Variants in CCDC102B observed in about 807,000 individuals in gnomAD.
CCDC102B encodes the protein coiled-coil domain containing 102B.
A neutral mutation model predicts 57.4 loss-of-function variants in CCDC102B; 75 were observed. That is an observed-to-expected ratio of 1.31 (90% confidence interval 1.08 to 1.58). The LOEUF (loss-of-function observed/expected upper bound fraction) is 1.58, where lower values mean the gene tolerates loss of function less well. Among genes scored for constraint, CCDC102B ranks in the 40% most tolerant of loss-of-function variants. The pLI is 0.00. For synonymous variants in CCDC102B, 206 were observed against 201.9 expected (o/e 1.02, Z -0.17); for missense variants, 636 against 582.6 (o/e 1.09, Z -0.94).
intron 2 of CCDC102B, among the ~76,000 whole-genome samples, chr18:68,717,413 G>A (rs2032086871): frequency 1.3e-5 from 2 of 152,124 alleles, no homozygotes; most frequent in Non-Finnish European, 2.9e-5. Context: ...TAGCTTAGGT[G>A]TATTGAGTTA....
chr18:68,888,566 C>T (rs576915970), intron 5 of CCDC102B, among the ~76,000 whole-genome samples: 1 of 152,254 alleles, frequency 6.6e-6, no homozygotes, highest in South Asian at 2.1e-4. Flanking sequence ...GCCAGTAGTA[C>T]TTCTTCAGAT....
chr18:68,731,623 T>C (rs1472634951), intron 2 of CCDC102B, among the ~76,000 whole-genome samples: 1 of 151,360 alleles, frequency 6.6e-6, no homozygotes, highest in Non-Finnish European at 1.5e-5. Flanking sequence ...TATATGTATG[T>C]ATACATATAT....
intron 4 of CCDC102B, among the ~76,000 whole-genome samples, chr18:68,851,138 C>A (rs1211120410): frequency 6.6e-6 from 1 of 152,248 alleles, no homozygotes; most frequent in Non-Finnish European, 1.5e-5. Flanking sequence ...ATGAATGAAG[C>A]ACTGTACTAA....
intron 6 of CCDC102B, among the ~76,000 whole-genome samples, chr18:68,980,694 G>A (rs1404731198): frequency 6.6e-6 from 1 of 151,968 alleles, no homozygotes; most frequent in Non-Finnish European, 1.5e-5. Flanking sequence ...ATGGGGTGGA[G>A]GGAAGGGCTA....
intron 2 of CCDC102B, chr18:68,753,576 C>T: frequency 6.6e-6 from 1 of 152,652 alleles, no homozygotes; most frequent in East Asian, 1.9e-4. Context: ...CTTTTTGAGA[C>T]AGTCTTGCTC....
chr18:68,780,167 T>C (rs1032275520), intron 2 of CCDC102B, among the ~76,000 whole-genome samples: 12 of 152,144 alleles, frequency 7.9e-5, no homozygotes, highest in Admixed American at 3.3e-4. Context: ...CTCCTAACTT[T>C]CTCAATGTTT....
At chr18:68,958,245 A>G (rs969857840) in intron 6 of CCDC102B, among the ~76,000 whole-genome samples, 1 of 152,228 alleles carries the variant, frequency 6.6e-6, no homozygotes, top group African/African-American at 2.4e-5. Context: ...GGGTAGGGAC[A>G]GAGCCAAACC....
intron 4 of CCDC102B, among the ~76,000 whole-genome samples, chr18:68,863,191 TA>T: frequency 6.6e-6 from 1 of 151,578 alleles, no homozygotes; most frequent in East Asian, 1.9e-4. Context: ...TATATATATA[TA>T]TTTATATCTA....
At chr18:68,995,908 C>T (rs966481397) in intron 6 of CCDC102B, among the ~76,000 whole-genome samples, 9 of 152,160 alleles carry the variant, frequency 5.9e-5, no homozygotes, top group African/African-American at 2.2e-4. Flanking sequence ...CGCAATGGGG[C>T]TGGTACCCTG....
Position 68,733,842 on chromosome 18 carries a change from G to T in CCDC102B, c.-67+17248G>T, listed in dbSNP as rs570386677. 3.3e-5 allele frequency among the ~76,000 whole-genome samples: 5 copies of T among 152,100 alleles called. No individual in the cohort carries two copies. In the South Asian group the frequency reaches 1.0e-3, roughly 32 times the overall value. ...AAGATTATTTTTATCAACCTGTAAA[G>T]ACCTTTAGGTTCCTTTACTGATAAA... is the stretch of plus-strand genomic sequence containing the variant. On this transcript the variant is annotated intron_variant, in intron 2 of 3. Coordinates refer to the CCDC102B transcript ENST00000578970.
chr18:68,984,636 A>C (rs1374506234), intron 6 of CCDC102B, among the ~76,000 whole-genome samples: 3 of 152,124 alleles, frequency 2.0e-5, no homozygotes, highest in African/African-American at 7.2e-5. Flanking sequence ...TACAGAGATA[A>C]ATTTATTTTA....
At chr18:68,922,769 C>T (rs149704933) in intron 6 of CCDC102B, among the ~76,000 whole-genome samples, 267 of 152,094 alleles carry the variant, frequency 1.8e-3, no homozygotes, top group East Asian at 6.8e-3. Flanking sequence ...CAGGTGAGTC[C>T]GGTTTCATGG....
chr18:68,948,796 G>C (rs2049611662), intron 6 of CCDC102B, among the ~76,000 whole-genome samples: 1 of 152,110 alleles, frequency 6.6e-6, no homozygotes, highest in South Asian at 2.1e-4. Flanking sequence ...AGTGCCGAGT[G>C]TAACTGTGAA....
At chr18:68,957,561 T>TG (rs1360959338) in intron 6 of CCDC102B, among the ~76,000 whole-genome samples, 3 of 150,828 alleles carry the variant, frequency 2.0e-5, no homozygotes, top group Non-Finnish European at 4.4e-5. Context: ...CTTCCAGTTT[T>TG]TTTTTTTTTT....
Position 69,022,222 on chromosome 18 carries a change from T to TATATATATATAAAA in CCDC102B, c.1434+11119_1434+11120insTATATATATAAAAA, listed in dbSNP as rs1395799223. 6.6e-3 allele frequency among the ~76,000 whole-genome samples: 625 copies of TATATATATATAAAA among 94,878 alleles called. 9 individuals are homozygous for TATATATATATAAAA. The highest frequency in any genetic ancestry group is 0.024 in the East Asian group (61 of 2,588). 62.2% of individuals were successfully genotyped at this position (94,878 alleles called of 152,430 possible). ...ATATATATATATATATATATATATA[T>TATATATATATAAAA]AACACACACACACGCGTGCGTGTGC... On this transcript the variant is annotated intron_variant, in intron 7 of 7. Transcript: ENST00000360242.
chr18:68,743,026 G>A (rs1385641816), intron 2 of CCDC102B, among the ~76,000 whole-genome samples: 1 of 151,926 alleles, frequency 6.6e-6, no homozygotes, highest in South Asian at 2.1e-4. Context: ...ATTTCAACTG[G>A]CATAATGGGT....
At chr18:68,864,878 T>G (rs1213796254) in intron 4 of CCDC102B, among the ~76,000 whole-genome samples, 1 of 152,062 alleles carries the variant, frequency 6.6e-6, no homozygotes, top group East Asian at 1.9e-4. Context: ...CAAATATTCC[T>G]TGTTCTCTCC....
intron 5 of CCDC102B, among the ~76,000 whole-genome samples, chr18:68,887,766 C>T (rs1171141990): frequency 6.6e-6 from 1 of 152,150 alleles, no homozygotes; most frequent in East Asian, 1.9e-4. Context: ...TAAATAAAAG[C>T]TTGATACATC....
intron 6 of CCDC102B, among the ~76,000 whole-genome samples, chr18:68,920,749 T>C (rs773442442): frequency 3.3e-5 from 5 of 151,992 alleles, no homozygotes; most frequent in Non-Finnish European, 7.4e-5. Flanking sequence ...AAATGCTGAG[T>C]GAAGGTGGAA....
Sources: gnomAD v4.1 joint callset for allele counts (sites outside exome capture counted in the v4.1 genomes callset) on GRCh38, gnomAD v4.1.1 for gene constraint, MANE v1.5 for transcripts, NCBI Gene and HGNC (gene_info 2026-07-23, HGNC 2026-07-21) for gene names.